The following SPATA13 variants were observed in gnomAD, a reference collection of about 807,000 sequenced individuals.
The protein encoded by SPATA13 is spermatogenesis associated 13, also known as spermatogenesis-associated protein 13.
Under a neutral mutation model 104.0 loss-of-function variants are expected in SPATA13, and 50 were observed. The observed-to-expected ratio is 0.48, with a 90% confidence interval of 0.38 to 0.61. SPATA13 has a LOEUF of 0.61. SPATA13 is among the 20% of genes least tolerant of loss of function. The pLI is 0.00. For missense variants in SPATA13, 1,524 were observed against 1,690.6 expected (o/e 0.90, Z 1.73); for synonymous variants, 606 against 667.5 (o/e 0.91, Z 1.42).
intron 1 of SPATA13, among the ~76,000 whole-genome samples, chr13:24,221,335 T>C (rs1871574982): frequency 6.6e-6 from 1 of 152,242 alleles, no homozygotes; most frequent in African/African-American, 2.4e-5. Context: ...ATATAGTAAG[T>C]ACTTAAAAGT....
At chr13:24,072,476 C>T (rs1245552772) in intron 3 of SPATA13, among the ~76,000 whole-genome samples, 1 of 152,150 alleles carries the variant, frequency 6.6e-6, no homozygotes, top group Non-Finnish European at 1.5e-5. Context: ...CATGGGCCAT[C>T]CTGTTCTATC....
intron 10 of SPATA13, 71 bp from the exon 11 acceptor site, chr13:24,297,292 G>A (rs1003934678): frequency 2.0e-6 from 3 of 1,520,942 alleles, no homozygotes; most frequent in Non-Finnish European, 2.6e-6. Flanking sequence ...TCCCACCTTG[G>A]CTTCTTAAGT....
intron 3 of SPATA13, among the ~76,000 whole-genome samples, chr13:24,064,546 G>T (rs117539845): frequency 2.0e-5 from 3 of 152,068 alleles, no homozygotes; most frequent in Non-Finnish European, 2.9e-5. Flanking sequence ...GAACTCCCAC[G>T]CCCTTATTGC....
At chr13:24,174,564 C>T (rs1357817613) in intron 1 of SPATA13, among the ~76,000 whole-genome samples, 3 of 151,590 alleles carry the variant, frequency 2.0e-5, no homozygotes, top group Admixed American at 6.6e-5. Flanking sequence ...TAAAAATTTC[C>T]CTTTATTTTA....
chr13:24,062,371 G>A (rs577701463), intron 3 of SPATA13, among the ~76,000 whole-genome samples: 2 of 152,340 alleles, frequency 1.3e-5, no homozygotes, highest in Admixed American at 1.3e-4. Flanking sequence ...GGGACTGACT[G>A]GGGGCTGATC....
chr13:24,031,533 A>C (rs1455383012), intron 3 of SPATA13, among the ~76,000 whole-genome samples: 1 of 152,238 alleles, frequency 6.6e-6, no homozygotes, highest in African/African-American at 2.4e-5. Context: ...GATTTAAGTA[A>C]CTTAAAGAAA....
chr13:24,296,478 GATA>G (rs1171196503), intron 10 of SPATA13, among the ~76,000 whole-genome samples: 2 of 152,132 alleles, frequency 1.3e-5, no homozygotes, highest in African/African-American at 2.4e-5. Context: ...ACATTTAGGG[GATA>G]ATTTGTCAGA....
chr13:24,016,495 C>T (rs1418191361), intron 2 of SPATA13, among the ~76,000 whole-genome samples: 1 of 152,190 alleles, frequency 6.6e-6, no homozygotes, highest in Non-Finnish European at 1.5e-5. Context: ...TGATGCAGGC[C>T]ACAACCACAA....
chr13:24,094,256 C>T (rs1374300648), intron 3 of SPATA13, among the ~76,000 whole-genome samples: 2 of 152,204 alleles, frequency 1.3e-5, no homozygotes, highest in African/African-American at 2.4e-5. Context: ...TTGGCGAGAA[C>T]ATCGTGGCCT....
intron 2 of SPATA13, among the ~76,000 whole-genome samples, chr13:24,005,360 G>A (rs931581921): frequency 1.3e-5 from 2 of 152,290 alleles, no homozygotes; most frequent in African/African-American, 4.8e-5. Context: ...TCAATGAATT[G>A]GAGGGTTGCC....
intron 3 of SPATA13, among the ~76,000 whole-genome samples, chr13:24,061,606 A>G (rs914155390): frequency 4.6e-5 from 7 of 152,192 alleles, no homozygotes; most frequent in Middle Eastern, 3.2e-3. Context: ...TCCTTAGCAA[A>G]CTAATGCAGG....
chr13:23,993,217 C>T (rs1365391397), intron 2 of SPATA13, among the ~76,000 whole-genome samples: 2 of 152,248 alleles, frequency 1.3e-5, no homozygotes, highest in African/African-American at 4.8e-5. Context: ...TGGCACTTTG[C>T]AACTGCAGAA....
chr13:24,037,108 C>A (rs1468497686), intron 3 of SPATA13, among the ~76,000 whole-genome samples: 1 of 148,408 alleles, frequency 6.7e-6, no homozygotes, highest in Admixed American at 6.9e-5. Flanking sequence ...GGCAGATAAC[C>A]ACTTGCTAAT....
intron 3 of SPATA13, among the ~76,000 whole-genome samples, chr13:24,150,409 G>A (rs941028584): frequency 1.3e-5 from 2 of 152,206 alleles, no homozygotes; most frequent in Non-Finnish European, 2.9e-5. Flanking sequence ...TCACCGACTG[G>A]CATGGGTGCC....
chr13:24,059,492 A>T (rs1000603316), intron 3 of SPATA13, among the ~76,000 whole-genome samples: 7 of 152,264 alleles, frequency 4.6e-5, no homozygotes, highest in Non-Finnish European at 8.8e-5. Flanking sequence ...GGCACTGCCA[A>T]GTCACTTACA....
intron 4 of SPATA13, among the ~76,000 whole-genome samples, chr13:24,268,014 G>A (rs190299983): frequency 1.3e-5 from 2 of 152,384 alleles, no homozygotes; most frequent in Admixed American, 6.5e-5. Context: ...TCCCAGTCAT[G>A]CTGATACTGC....
intron 3 of SPATA13, among the ~76,000 whole-genome samples, chr13:24,056,637 A>G (rs1878555285): frequency 6.6e-6 from 1 of 152,204 alleles, no homozygotes; most frequent in Non-Finnish European, 1.5e-5. Context: ...ATATATATGC[A>G]TGGATATATG....
At chr13:24,170,079 A>G (rs1419252995) in intron 1 of SPATA13, among the ~76,000 whole-genome samples, 1 of 152,210 alleles carries the variant, frequency 6.6e-6, no homozygotes, top group Admixed American at 6.5e-5. Flanking sequence ...TGACAGTACA[A>G]GGTCCCATCT....
intron 3 of SPATA13, among the ~76,000 whole-genome samples, chr13:24,023,198 G>T (rs531489593): frequency 6.6e-6 from 1 of 152,030 alleles, no homozygotes; most frequent in South Asian, 2.1e-4. Context: ...TTCTGTCTTT[G>T]TGATAGGTTG....
Sources: allele counts gnomAD v4.1 joint callset (sites outside exome capture counted in the v4.1 genomes callset), GRCh38; gene constraint gnomAD v4.1.1; transcripts MANE v1.5; gene names NCBI Gene and HGNC (gene_info 2026-07-23, HGNC 2026-07-21).